The following CCDC149 variants were observed in gnomAD, a reference collection of about 807,000 sequenced individuals.
CCDC149 encodes coiled-coil domain-containing protein 149.
A neutral mutation model predicts 59.9 loss-of-function variants in CCDC149; 45 were observed. That is an observed-to-expected ratio of 0.75 (90% CI 0.59 to 0.96). The LOEUF is 0.96. Ranked by LOEUF, CCDC149 falls within the 40% of genes least tolerant of loss-of-function variation. The pLI is 0.00. For missense variants in CCDC149, 584 were observed against 664.7 expected, an observed-to-expected ratio of 0.88 and a Z score of 1.33; for synonymous variants, 245 against 260.6, an observed-to-expected ratio of 0.94 and a Z score of 0.58.
intron 1 of CCDC149, among the ~76,000 whole-genome samples, chr4:24,951,705 G>A (rs1209235856): frequency 6.6e-6 from 1 of 152,234 alleles, no homozygotes; most frequent in South Asian, 2.1e-4. Flanking sequence ...TATCTGTTTT[G>A]TGGCCATTTA....
chr4:24,851,019 A>G (rs1046085338), intron 4 of CCDC149, among the ~76,000 whole-genome samples: 3 of 152,104 alleles, frequency 2.0e-5, no homozygotes, highest in African/African-American at 7.2e-5. Context: ...TTGCTGAACA[A>G]TAGAACATCT....
intron 12 of CCDC149, among the ~76,000 whole-genome samples, chr4:24,818,617 G>C (rs1259091231): frequency 2.0e-5 from 3 of 152,178 alleles, no homozygotes; most frequent in Non-Finnish European, 2.9e-5. Flanking sequence ...GGCTTGACTA[G>C]GGCTGGAGAA....
At chr4:24,822,470 A>C in intron 10 of CCDC149, 27 bp downstream of exon 10, 6 of 1,430,570 alleles carry the variant, frequency 4.2e-6, no homozygotes, top group Non-Finnish European at 5.6e-6. Flanking sequence ...AAAAAAAGGA[A>C]AATTGTTTTC....
In CCDC149 at chr4:24,837,386, C is replaced by T. The variant is rs376023103; in HGVS notation, c.504G>A (p.Glu168=). The T allele has an allele frequency of 2.5e-6, 4 of 1,614,008 alleles. No homozygotes were observed. Among genetic ancestry groups the T allele is most frequent in the Non-Finnish European group, 3.4e-6 (4 of 1,179,988 alleles). ...CGTCCACAGAAGCCTGCAGGTCGTGCTCCAGAGACTCAATCTAAAACCACA... is the reference window on the plus strand; with the variant it reads ...CGTCCACAGAAGCCTGCAGGTCGTGTTCCAGAGACTCAATCTAAAACCACA... The change falls in exon 6 of 13, where the codon GAG becomes GAA. Residue 168 remains glutamate, a synonymous_variant. Transcript: ENST00000635206. The surrounding 1 kb of genome is among the most constrained non-coding windows in gnomAD (Gnocchi z 4.3).
upstream of CCDC149, among the ~76,000 whole-genome samples, chr4:24,913,363 C>T (rs184491727): frequency 4.6e-5 from 7 of 152,320 alleles, no homozygotes; most frequent in African/African-American, 1.7e-4. Flanking sequence ...GCAGGGGTTT[C>T]CTTGGTTCGC....
rs1392655338 is a variant in CCDC149 at position 24,874,256 on chromosome 4, T to TG, written c.226-538_226-537insC. Among the ~76,000 whole-genome samples the TG allele has an allele frequency of 1.5e-3, 81 of 55,574 alleles. 6 individuals are homozygous for TG. The highest frequency in any genetic ancestry group is 6.7e-3 in the African/African-American group (79 of 11,810). 36.5% of individuals were successfully genotyped at this position (55,574 alleles called of 152,430 possible). Reference sequence around the variant, plus strand: ...TCCTATTAGATTTGTTTTTTTTTTTTTTTGTTTTGTTTTTTTTTGTTTTTT... The same window carrying TG: ...TCCTATTAGATTTGTTTTTTTTTTTTGTTTGTTTTGTTTTTTTTTGTTTTTT... On this transcript the variant is annotated intron_variant, in intron 2 of 12. Coordinates refer to ENST00000635206, the MANE Select transcript of CCDC149 (RefSeq NM_001330643.2).
intron 1 of CCDC149, among the ~76,000 whole-genome samples, chr4:24,944,992 A>G (rs963974453): frequency 2.0e-5 from 3 of 152,180 alleles, no homozygotes; most frequent in East Asian, 1.9e-4. Context: ...TGCATGTTTT[A>G]TATGAGAACT....
chr4:24,978,082 T>C (rs1724285157), intron 1 of CCDC149, among the ~76,000 whole-genome samples: 1 of 152,184 alleles, frequency 6.6e-6, no homozygotes, highest in Admixed American at 6.5e-5. Flanking sequence ...CACTGACCTA[T>C]ATTTGCACCA....
At chr4:24,926,500 AACCC>A (rs1264354946) in intron 1 of CCDC149, among the ~76,000 whole-genome samples, 2 of 152,150 alleles carry the variant, frequency 1.3e-5, no homozygotes, top group Admixed American at 1.3e-4. Context: ...GGGCTTCCAG[AACCC>A]ACTGCGGAGT....
chr4:24,893,203 G>T (rs562289330), intron 1 of CCDC149, among the ~76,000 whole-genome samples: 27 of 152,314 alleles, frequency 1.8e-4, no homozygotes, highest in Admixed American at 7.8e-4. Context: ...ATAGTGGTCT[G>T]CAAAGTGGAA....
At chr4:24,962,777 A>C (rs1723674781) in intron 1 of CCDC149, among the ~76,000 whole-genome samples, 1 of 152,128 alleles carries the variant, frequency 6.6e-6, no homozygotes, top group Admixed American at 6.5e-5. Context: ...AGATATACCT[A>C]ATGTTAAGTG....
chr4:24,903,113 C>A (rs1721274326), intron 1 of CCDC149, among the ~76,000 whole-genome samples: 1 of 151,520 alleles, frequency 6.6e-6, no homozygotes, highest in African/African-American at 2.4e-5. Context: ...GCAACCCTTA[C>A]CCTAATTCTC....
Position 24,906,396 on chromosome 4 carries a change from T to TTTTATTTTATTTTA in CCDC149, c.63+6407_63+6420dup, listed in dbSNP as rs1560249559. ...TTTTATTTTATTTTATTTTATTTTA[T>TTTTATTTTATTTTA]TTTATTTTATTTTACTTTATTTGAG... On this transcript the variant is annotated intron_variant, in intron 1 of 12. Coordinates refer to ENST00000635206, the MANE Select transcript of CCDC149 (RefSeq NM_001330643.2). Among the ~76,000 whole-genome samples, 26 of 41,758 alleles carry TTTTATTTTATTTTA rather than the reference T, an allele frequency of 6.2e-4. 1 individual carries two copies. The highest frequency in any genetic ancestry group is 1.2e-3 in the African/African-American group (24 of 19,410). 27.4% of individuals were successfully genotyped at this position (41,758 alleles called of 152,430 possible).
upstream of CCDC149, among the ~76,000 whole-genome samples, chr4:24,916,787 GGTGTGTGTGTGTGT>G (rs55857592): frequency 4.2e-5 from 6 of 141,922 alleles, no homozygotes; most frequent in African/African-American, 1.0e-4. Flanking sequence ...GGTTTATAAT[GGTGTGTGTGTGTGT>G]GTGTGTGTGT....
intron 3 of CCDC149, among the ~76,000 whole-genome samples, chr4:24,858,881 A>T (rs1654538584): frequency 6.6e-6 from 1 of 152,216 alleles, no homozygotes; most frequent in South Asian, 2.1e-4. Context: ...TAGGTTAGCC[A>T]CATGGGAGAG....
intron 4 of CCDC149, among the ~76,000 whole-genome samples, chr4:24,843,823 ACTAG>A (rs1287661275): frequency 6.6e-6 from 1 of 152,048 alleles, no homozygotes; most frequent in Non-Finnish European, 1.5e-5. Context: ...TAGAGCCTCT[ACTAG>A]GGCTGAAGAG....
intron 1 of CCDC149, among the ~76,000 whole-genome samples, chr4:24,930,446 C>G (rs974333787): frequency 6.6e-6 from 1 of 152,186 alleles, no homozygotes; most frequent in Non-Finnish European, 1.5e-5. Flanking sequence ...ATGATTACAG[C>G]AGCTAGGATT....
intron 1 of CCDC149, among the ~76,000 whole-genome samples, chr4:24,927,412 AAT>A (rs1722459990): frequency 6.6e-6 from 1 of 152,252 alleles, no homozygotes; most frequent in Admixed American, 6.5e-5. Context: ...ATGCAGCATA[AAT>A]ATATGTTTTC....
At chr4:24,922,791 T>A (rs1485924019) in intron 1 of CCDC149, among the ~76,000 whole-genome samples, 1 of 152,224 alleles carries the variant, frequency 6.6e-6, no homozygotes, top group Non-Finnish European at 1.5e-5. Flanking sequence ...GTGTGTGAGA[T>A]GGTTGTCTGG....
Sources: gnomAD v4.1 joint callset for allele counts (sites outside exome capture counted in the v4.1 genomes callset) on GRCh38, gnomAD v4.1.1 for gene constraint, Gnocchi (gnomAD v3.1) non-coding constraint, MANE v1.5 for transcripts, NCBI Gene and HGNC (gene_info 2026-07-23, HGNC 2026-07-21) for gene names.